PAK1: variants seen among roughly 807,000 people sequenced by gnomAD.
The protein encoded by PAK1 is p21 (RAC1) activated kinase 1.
A neutral mutation model predicts 67.4 loss-of-function variants in PAK1; 29 were observed. The observed-to-expected ratio is 0.43, with a 90% CI of 0.32 to 0.59. The LOEUF is 0.59. PAK1 is among the 20% of genes least tolerant of loss of function. The pLI is 0.07. For missense variants in PAK1, 337 were observed against 670.7 expected, an observed-to-expected ratio of 0.50 and a Z score of 5.50; for synonymous variants, 223 against 237.4, an observed-to-expected ratio of 0.94 and a Z score of 0.56.
chr11:77,489,606 GC>G, the PAK1 span, among the ~76,000 whole-genome samples: 1 of 152,076 alleles, frequency 6.6e-6, no homozygotes, highest in Non-Finnish European at 1.5e-5. Context: ...GCGCCGCCAC[GC>G]CTGACTGGTT....
Position 77,407,547 on chromosome 11 carries a change from G to A in PAK1, c.-21-15006C>T, listed in dbSNP as rs115779447. Among the ~76,000 whole-genome samples the A allele has an allele frequency of 2.4e-3, 361 of 152,136 alleles. 1 individual carries two copies. The highest frequency in any genetic ancestry group is 8.1e-3 in the African/African-American group (334 of 41,490). On this transcript the variant is annotated intron_variant, in intron 1 of 14. Coordinates refer to ENST00000356341, the MANE Select transcript of PAK1 (RefSeq NM_002576.5). ...TTTTTCACGGCTTGAAAATGCACTC[G>A]GGAACAACCACAATGATATCTATAT...
At chr11:77,472,466 G>A (rs1327839897) in intron 1 of PAK1, among the ~76,000 whole-genome samples, 6 of 152,222 alleles carry the variant, frequency 3.9e-5, no homozygotes, top group Non-Finnish European at 7.3e-5. Flanking sequence ...ACTTCACAGT[G>A]TGGGAATTCT....
Position 77,426,934 on chromosome 11 carries a change from AG to A in PAK1, c.-21-34394del, listed in dbSNP as rs1362333781. Among the ~76,000 whole-genome samples the A allele has an allele frequency of 7.2e-5, 11 of 152,290 alleles. No homozygotes were observed. In the East Asian group the frequency reaches 1.9e-3, roughly 27 times the overall value. On this transcript the variant is annotated intron_variant, in intron 1 of 14. Coordinates refer to ENST00000356341, the MANE Select transcript of PAK1 (RefSeq NM_002576.5). ...AGACAGTTCAATCTCAGGGTAGAAA[AG>A]AAAACCTGGACAAAGCCCCGGAAGA...
intron 5 of PAK1, among the ~76,000 whole-genome samples, chr11:77,370,615 T>G (rs1476107965): frequency 6.6e-6 from 1 of 152,268 alleles, no homozygotes; most frequent in Non-Finnish European, 1.5e-5. Context: ...TGGCTTCTTC[T>G]GCTCTGATCA....
intron 2 of PAK1, among the ~76,000 whole-genome samples, chr11:77,391,260 G>A (rs1282636433): frequency 6.6e-6 from 1 of 152,078 alleles, no homozygotes; most frequent in Non-Finnish European, 1.5e-5. Context: ...ATCAACAAAG[G>A]AGTAAAGAGA....
rs1942870217 is a variant in PAK1 at position 77,337,310 on chromosome 11, A to C, written c.1216+14T>G. ...AGGCAGAGAAGTATTATCATTCCTA[A>C]GGCTCCTACTTACTTAGCTTGACAG... On this transcript the variant is annotated intron_variant, in intron 12 of 14. Transcript: ENST00000356341. 3 of 1,384,602 alleles carry C rather than the reference A, an allele frequency of 2.2e-6. No individual in the cohort carries two copies. The highest frequency in any genetic ancestry group is 1.7e-5 in the Admixed American group (1 of 58,002). 85.8% of individuals were successfully genotyped at this position (1,384,602 alleles called of 1,614,324 possible). A position where few individuals can be genotyped will look rare whatever the true frequency, so the allele number is the denominator to read the frequency against.
At chr11:77,451,573 G>A (rs1409879388) in intron 1 of PAK1, among the ~76,000 whole-genome samples, 4 of 151,858 alleles carry the variant, frequency 2.6e-5, no homozygotes, top group Non-Finnish European at 5.9e-5. Flanking sequence ...ATATTTGCTT[G>A]CTTTTCTCTC....
At chr11:77,463,747 G>T (rs2135512200) in intron 1 of PAK1, among the ~76,000 whole-genome samples, 1 of 152,192 alleles carries the variant, frequency 6.6e-6, no homozygotes, top group South Asian at 2.1e-4. Context: ...GATTAACTAG[G>T]ATATTACACA....
chr11:77,516,078 G>A, the PAK1 span, among the ~76,000 whole-genome samples: 1 of 152,122 alleles, frequency 6.6e-6, no homozygotes, highest in African/African-American at 2.4e-5. Context: ...GTGCAATTTG[G>A]TCAAGTCACT....
intron 4 of PAK1, among the ~76,000 whole-genome samples, chr11:77,374,829 G>A (rs1948891443): frequency 6.6e-6 from 1 of 152,100 alleles, no homozygotes; most frequent in Admixed American, 6.6e-5. Context: ...GTAAGTATTT[G>A]TATATCTAAA....
In PAK1 at chr11:77,392,558, G is replaced by T; in HGVS notation, c.-21-17C>A. 1 of 1,534,818 alleles carries T rather than the reference G, an allele frequency of 6.5e-7. No individual in the cohort carries two copies. Among genetic ancestry groups the T allele is most frequent in the East Asian group, 2.3e-5 (1 of 43,636 alleles). On this transcript the variant is annotated splice_polypyrimidine_tract_variant and intron_variant, in intron 1 of 14. Transcript: ENST00000356341. ...CAGCAGCTACTAGAATCAGAAATAA[G>T]AACAATATAACTCTTTTATTATTTT...
chr11:77,344,662 A>G (rs1944131318), intron 9 of PAK1, among the ~76,000 whole-genome samples: 1 of 152,204 alleles, frequency 6.6e-6, no homozygotes, highest in African/African-American at 2.4e-5. Flanking sequence ...AGACGGGGAA[A>G]CTGTGTTTCA....
At chr11:77,327,036 G>C (rs545271081) in intron 14 of PAK1, among the ~76,000 whole-genome samples, 4 of 152,182 alleles carry the variant, frequency 2.6e-5, no homozygotes, top group Non-Finnish European at 4.4e-5. Context: ...GGGTATCAGT[G>C]ATGGAAGACG....
chr11:77,524,463 G>A, the PAK1 span, among the ~76,000 whole-genome samples: 4 of 152,264 alleles, frequency 2.6e-5, no homozygotes, highest in East Asian at 1.9e-4. Flanking sequence ...TACCTGGACC[G>A]CCTTTCTCCC....
intron 1 of PAK1, among the ~76,000 whole-genome samples, chr11:77,424,118 T>C (rs1173940148): frequency 6.6e-6 from 1 of 152,230 alleles, no homozygotes; most frequent in African/African-American, 2.4e-5. Flanking sequence ...CATCATTACA[T>C]GCTAGAATGG....
chr11:77,406,601 A>G (rs923101411), intron 1 of PAK1, among the ~76,000 whole-genome samples: 2 of 152,178 alleles, frequency 1.3e-5, no homozygotes, highest in African/African-American at 4.8e-5. Context: ...AATGTGGTGA[A>G]ACCCTGTCTC....
At chr11:77,339,184 C>A (rs192679675) in intron 11 of PAK1, among the ~76,000 whole-genome samples, 2 of 152,050 alleles carry the variant, frequency 1.3e-5, no homozygotes, top group Non-Finnish European at 2.9e-5. Flanking sequence ...GCTTTTTGAT[C>A]CATATAGCAC....
At chr11:77,444,252 G>C (rs1264269129) in intron 1 of PAK1, among the ~76,000 whole-genome samples, 1 of 147,846 alleles carries the variant, frequency 6.8e-6, no homozygotes, top group Non-Finnish European at 1.5e-5. Context: ...CTAACCCAGT[G>C]AGCTGCAACC....
At chr11:77,378,447 T>G (rs1311627625) in intron 4 of PAK1, among the ~76,000 whole-genome samples, 3 of 152,146 alleles carry the variant, frequency 2.0e-5, no homozygotes, top group African/African-American at 7.2e-5. Context: ...AAAAATTAGT[T>G]CCCTGAGGAA....
Sources: allele counts gnomAD v4.1 joint callset (sites outside exome capture counted in the v4.1 genomes callset), GRCh38; gene constraint gnomAD v4.1.1; transcripts MANE v1.5; gene names NCBI Gene and HGNC (gene_info 2026-07-23, HGNC 2026-07-21).